ELAPOR2: variants seen among roughly 807,000 people sequenced by gnomAD.
The protein encoded by ELAPOR2 is endosome/lysosome-associated apoptosis and autophagy regulator family member 2.
A neutral mutation model predicts 120.7 loss-of-function variants in ELAPOR2; 89 were observed. That is an observed-to-expected ratio of 0.74 (90% CI 0.62 to 0.88). The LOEUF is 0.88. ELAPOR2 is among the 40% of genes least tolerant of loss of function. ELAPOR2 has a pLI of 0.00. For missense variants in ELAPOR2, 1,134 were observed against 1,251.6 expected, an observed-to-expected ratio of 0.91 and a Z score of 1.42; for synonymous variants, 444 against 444.9, an observed-to-expected ratio of 1.00 and a Z score of 0.03.
intron 1 of ELAPOR2, among the ~76,000 whole-genome samples, chr7:87,021,517 T>C (rs902761393): frequency 5.3e-5 from 8 of 152,132 alleles, no homozygotes; most frequent in African/African-American, 1.9e-4. Context: ...AAAATGTGGG[T>C]TGTTTATAAA....
chr7:86,884,648 T>C (rs1189053934), intron 21 of ELAPOR2, among the ~76,000 whole-genome samples: 2 of 152,152 alleles, frequency 1.3e-5, no homozygotes, highest in African/African-American at 2.4e-5. Context: ...AAAGGAGGTT[T>C]CACCCTCTTT....
At chr7:86,981,618 G>C (rs885996) in intron 1 of ELAPOR2, among the ~76,000 whole-genome samples, 57,614 of 152,126 alleles carry the variant, frequency 0.38, 11,768 homozygotes, top group African/African-American at 0.53. Flanking sequence ...CTAATGAACC[G>C]CTAGTCATGT....
Position 86,913,122 on chromosome 7 carries a change from C to T in ELAPOR2, c.1814G>A (p.Arg605His), listed in dbSNP as rs34772926. The T allele has an allele frequency of 1.1e-4, 170 of 1,613,990 alleles. No individual in the cohort carries two copies. The African/African-American group carries it at 1.6e-3, about 15-fold the overall frequency. Residue 605 changes from arginine to histidine, a missense_variant, in exon 14 of 22, where the codon CGT becomes CAT. By Grantham distance (29) the Arg-to-His change is conservative. Around this residue, in one of 3 missense-constraint regions of ELAPOR2, gnomAD observed 831 missense variants for 867.6 expected, o/e 0.96. Coordinates refer to ENST00000450689, the MANE Select transcript of ELAPOR2 (RefSeq NM_001142749.3). ...NAVDGVASSCRACALGSEQSG... is the reference protein window; with the variant it reads ...NAVDGVASSCHACALGSEQSG... ...CTGTTCAGAACCGAGGGCACAGGCA[C>T]GGCATGAGGACGCCACCCCATCAAC...
chr7:86,974,020 C>T (rs1293504767), intron 1 of ELAPOR2, among the ~76,000 whole-genome samples: 2 of 151,538 alleles, frequency 1.3e-5, no homozygotes, highest in South Asian at 2.1e-4. Flanking sequence ...AGGGTCTTCA[C>T]GTAACTGGGT....
intron 4 of ELAPOR2, 66 bp downstream of exon 4, chr7:86,944,833 A>T (rs542358879): frequency 8.7e-5 from 119 of 1,361,522 alleles, no homozygotes; most frequent in Non-Finnish European, 1.1e-4. Flanking sequence ...AATGGGAACA[A>T]CTGACTAAGG....
intron 1 of ELAPOR2, among the ~76,000 whole-genome samples, chr7:87,049,830 G>A (rs1795051934): frequency 6.6e-6 from 1 of 152,218 alleles, no homozygotes; most frequent in African/African-American, 2.4e-5. Flanking sequence ...AGGTTGATAT[G>A]TTAGAAACTT....
At chr7:86,881,353 C>A (rs566811555) in intron 21 of ELAPOR2, among the ~76,000 whole-genome samples, 3 of 150,434 alleles carry the variant, frequency 2.0e-5, no homozygotes, top group African/African-American at 7.3e-5. Flanking sequence ...CGAGCAAGCA[C>A]GCCCTTTTTT....
chr7:86,892,943 T>C lies in ELAPOR2; in HGVS notation c.2843A>G (p.Tyr948Cys). The change falls in exon 20 of 22, where the codon TAC becomes TGC. Residue 948 changes from tyrosine (Y) to cysteine (C), a missense_variant. Coordinates refer to ENST00000450689, the MANE Select transcript of ELAPOR2 (RefSeq NM_001142749.3). ...TAVLLVALTC[Y>C]FWKKNQKLEY... ...TTACTTTTGATTCTTTTTCCAGAAG[T>C]AGCAGGTCAGAGCCACCAGCAAAAC... is the stretch of plus-strand genomic sequence containing the variant. 1 of 1,551,430 alleles carries C rather than the reference T, an allele frequency of 6.4e-7. No homozygotes were observed. Among genetic ancestry groups the C allele is most frequent in the Non-Finnish European group, 8.6e-7 (1 of 1,159,422 alleles).
intron 15 of ELAPOR2, among the ~76,000 whole-genome samples, chr7:86,910,769 G>A (rs1789264984): frequency 6.6e-6 from 1 of 151,992 alleles, no homozygotes; most frequent in Non-Finnish European, 1.5e-5. Context: ...AATAATACAG[G>A]AAAACTATTT....
At chr7:86,914,398 C>T (rs533353585) in intron 13 of ELAPOR2, among the ~76,000 whole-genome samples, 1 of 152,264 alleles carries the variant, frequency 6.6e-6, no homozygotes, top group East Asian at 1.9e-4. Flanking sequence ...TGCCCATCTT[C>T]ACAAAGCCTC....
At position 87,046,784 on chromosome 7, in the gene ELAPOR2, G is replaced by C. The variant is rs116025259; in HGVS notation, c.189+12541C>G. Among the ~76,000 whole-genome samples, 1,222 of 152,244 alleles carry C rather than the reference G, an allele frequency of 8.0e-3. 17 individuals carry two copies. Among genetic ancestry groups the C allele is most frequent in the African/African-American group, 0.028 (1,173 of 41,524 alleles). On this transcript the variant is annotated intron_variant, in intron 1 of 21. Transcript: ENST00000450689. Reference sequence around the variant, plus strand: ...GATTGTTAAGTTTCCTGAGGCCTCTGCAGCCATGTGGAGCTGTGAGTCAAT... The same window carrying C: ...GATTGTTAAGTTTCCTGAGGCCTCTCCAGCCATGTGGAGCTGTGAGTCAAT...
intron 1 of ELAPOR2, among the ~76,000 whole-genome samples, chr7:87,058,588 T>C (rs1795333692): frequency 2.0e-5 from 3 of 152,200 alleles, no homozygotes; most frequent in Admixed American, 1.3e-4. Flanking sequence ...TCCCATAGTT[T>C]ATCCTTTTTG....
At chr7:87,034,831 C>T (rs1458182097) in intron 1 of ELAPOR2, among the ~76,000 whole-genome samples, 3 of 152,112 alleles carry the variant, frequency 2.0e-5, no homozygotes, top group Non-Finnish European at 4.4e-5. Context: ...GACTGTAATC[C>T]AAGCACTTTG....
At chr7:87,019,058 T>C (rs140740226) in intron 1 of ELAPOR2, among the ~76,000 whole-genome samples, 300 of 152,292 alleles carry the variant, frequency 2.0e-3, no homozygotes, top group Non-Finnish European at 3.7e-3. Context: ...ACATTTAACT[T>C]CTCTGTGACC....
chr7:86,950,539 G>A (rs1791202212), intron 2 of ELAPOR2, among the ~76,000 whole-genome samples: 1 of 152,158 alleles, frequency 6.6e-6, no homozygotes, highest in East Asian at 1.9e-4. Flanking sequence ...CAGCACAGAA[G>A]CTGCTTGTGG....
chr7:86,905,603 T>C (rs1461884024), intron 18 of ELAPOR2, among the ~76,000 whole-genome samples: 1 of 151,356 alleles, frequency 6.6e-6, no homozygotes, highest in African/African-American at 2.4e-5. Flanking sequence ...TTCATAAAAC[T>C]AAAATTTGGA....
chr7:86,931,605 T>G (rs1790329057), intron 8 of ELAPOR2, among the ~76,000 whole-genome samples: 1 of 151,940 alleles, frequency 6.6e-6, no homozygotes, highest in African/African-American at 2.4e-5. Flanking sequence ...ATTCATTTAC[T>G]AAGTCTCACT....
chr7:86,933,618 G>A (rs561568965), intron 8 of ELAPOR2, among the ~76,000 whole-genome samples: 13 of 151,968 alleles, frequency 8.6e-5, no homozygotes, highest in Non-Finnish European at 8.8e-5. Context: ...CAGCACTCTA[G>A]TTCCAGGATG....
intron 1 of ELAPOR2, among the ~76,000 whole-genome samples, chr7:87,014,857 T>G (rs796748132): frequency 3.3e-4 from 50 of 152,276 alleles, no homozygotes; most frequent in Middle Eastern, 3.4e-3. Context: ...TTTTTGGCAA[T>G]AGTAAATATG....
Sources: allele counts gnomAD v4.1 joint callset (sites outside exome capture counted in the v4.1 genomes callset), GRCh38; gene constraint gnomAD v4.1.1; regional missense constraint gnomAD v4.1.1; transcripts MANE v1.5; gene names NCBI Gene and HGNC (gene_info 2026-07-23, HGNC 2026-07-21).